Variants in RAB11FIP3 observed in about 807,000 individuals in gnomAD.
The protein encoded by RAB11FIP3 is rab11 family-interacting protein 3.
In RAB11FIP3, 17 loss-of-function variants were observed where a neutral mutation model predicts 77.8. The ratio of observed to expected loss-of-function variants is 0.22; its 90% CI spans 0.15 to 0.33. The LOEUF is 0.33. RAB11FIP3 is among the 10% of genes least tolerant of loss of function. RAB11FIP3 has a pLI of 1.00. For synonymous variants in RAB11FIP3, 437 were observed against 448.2 expected (o/e 0.98, Z 0.31); for missense variants, 1,005 against 1,011.2 (o/e 0.99, Z 0.08).
At chr16:500,664 G>A (rs1393902543) in intron 6 of RAB11FIP3, among the ~76,000 whole-genome samples, 1 of 133,502 alleles carries the variant, frequency 7.5e-6, no homozygotes, top group Non-Finnish European at 1.5e-5. Flanking sequence ...CTCCAGCCCA[G>A]GTGACAGTGC....
intron 1 of RAB11FIP3, among the ~76,000 whole-genome samples, chr16:449,674 G>A (rs972111333): frequency 6.7e-6 from 1 of 150,058 alleles, no homozygotes; most frequent in Non-Finnish European, 1.5e-5. Context: ...GTTTTAGGCC[G>A]GGTGCAGTGG....
At chr16:500,687 CAAAAAAAAAA>C (rs56771770) in intron 6 of RAB11FIP3, among the ~76,000 whole-genome samples, 4 of 22,306 alleles carry the variant, frequency 1.8e-4, no homozygotes, top group East Asian at 1.4e-3. Flanking sequence ...GACTCTGTCG[CAAAAAAAAAA>C]AAAAAAAAAA....
chr16:436,618 A>G (rs985349283), intron 1 of RAB11FIP3, among the ~76,000 whole-genome samples: 1 of 152,036 alleles, frequency 6.6e-6, no homozygotes, highest in Non-Finnish European at 1.5e-5. Context: ...AGTAGCTGGG[A>G]CTATAAATGC....
At chr16:443,821 C>T (rs2055266814) in intron 1 of RAB11FIP3, among the ~76,000 whole-genome samples, 1 of 152,206 alleles carries the variant, frequency 6.6e-6, no homozygotes, top group Admixed American at 6.5e-5. Context: ...GCCTTGGCCT[C>T]CCAAAGTGCT....
chr16:493,629 CAG>C (rs1433877384), intron 5 of RAB11FIP3, among the ~76,000 whole-genome samples: 1 of 152,102 alleles, frequency 6.6e-6, no homozygotes, highest in Non-Finnish European at 1.5e-5. Flanking sequence ...TTTTTTGAGA[CAG>C]AGTCTCGCTT....
At position 514,448 on chromosome 16, in the gene RAB11FIP3, G is replaced by A. The variant is rs998338841; in HGVS notation, c.1640+3648G>A. On this transcript the variant is annotated intron_variant, in intron 9 of 13. Coordinates refer to ENST00000262305, the MANE Select transcript of RAB11FIP3 (RefSeq NM_014700.4). This position sits in a 1 kb window ranked among gnomAD's most constrained non-coding sequence, Gnocchi z 4.6. ...AACCTCCTGGGAACAGCAGGGGCGG[G>A]TGGCTATGCAGTTGCAGTGCCTAGA... is the stretch of plus-strand genomic sequence containing the variant. 7.2e-5 allele frequency among the ~76,000 whole-genome samples: 11 copies of A among 152,260 alleles called. No individual in the cohort carries two copies. The highest frequency in any genetic ancestry group is 9.6e-5 in the African/African-American group (4 of 41,478).
At chr16:511,036 G>A (rs556450638) in intron 9 of RAB11FIP3, among the ~76,000 whole-genome samples, 25 of 145,660 alleles carry the variant, frequency 1.7e-4, no homozygotes, top group Admixed American at 1.4e-3. Flanking sequence ...AGAACCTGCC[G>A]GCCAGGTAGG....
At chr16:504,770 A>C (rs1434777697) in intron 7 of RAB11FIP3, among the ~76,000 whole-genome samples, 1 of 1,334 alleles carries the variant, frequency 7.5e-4, no homozygotes. Flanking sequence ...CACCCTCCTC[A>C]CCTCCTCCTG....
intron 2 of RAB11FIP3, among the ~76,000 whole-genome samples, chr16:463,428 C>T (rs2055649196): frequency 7.1e-6 from 1 of 140,790 alleles, no homozygotes; most frequent in African/African-American, 2.7e-5. Flanking sequence ...TGTTGTTCCC[C>T]GGTTTTTTTT....
intron 9 of RAB11FIP3, among the ~76,000 whole-genome samples, chr16:512,700 C>T (rs901246986): frequency 6.6e-6 from 1 of 151,856 alleles, no homozygotes; most frequent in Non-Finnish European, 1.5e-5. Context: ...CACACCACTG[C>T]ACCCAGCTAT....
At chr16:456,117 AG>A (rs2055498872) in intron 1 of RAB11FIP3, among the ~76,000 whole-genome samples, 1 of 151,624 alleles carries the variant, frequency 6.6e-6, no homozygotes, top group Non-Finnish European at 1.5e-5. Flanking sequence ...GGATCACCTG[AG>A]GTCAGGAGTT....
intron 2 of RAB11FIP3, among the ~76,000 whole-genome samples, chr16:470,496 A>G (rs185770125): frequency 2.0e-5 from 3 of 152,354 alleles, no homozygotes; most frequent in Admixed American, 2.0e-4. Flanking sequence ...GTATTAAGTA[A>G]TGCTATTTTA....
At chr16:432,858 C>A (rs1188614459) in intron 1 of RAB11FIP3, among the ~76,000 whole-genome samples, 1 of 151,412 alleles carries the variant, frequency 6.6e-6, no homozygotes, top group African/African-American at 2.4e-5. Context: ...CCCGCCTTGG[C>A]CTCCCAAAGT....
chr16:453,594 T>TG (rs2055446306), intron 1 of RAB11FIP3: 2 of 122,012 alleles, frequency 1.6e-5, no homozygotes, highest in Admixed American at 8.1e-5. Context: ...TGGTTTTTTT[T>TG]TTTTTTTTTT....
chr16:450,009 A>C (rs2055380703), intron 1 of RAB11FIP3, among the ~76,000 whole-genome samples: 1 of 152,116 alleles, frequency 6.6e-6, no homozygotes, highest in Non-Finnish European at 1.5e-5. Context: ...GTGCCACCAC[A>C]TGCACAGGCC....
intron 5 of RAB11FIP3, among the ~76,000 whole-genome samples, chr16:492,370 A>ACCCGAGGCCGCCCAGAGCCCTCCCGGGG (rs2030411501): frequency 7.6e-6 from 1 of 131,802 alleles, no homozygotes; most frequent in Non-Finnish European, 1.7e-5. Flanking sequence ...TCTTCCCGGG[A>ACCCGAGGCCGCCCAGAGCCCTCCCGGGG]GACCCGAGGC....
chr16:444,833 A>G (rs1316217007), intron 1 of RAB11FIP3, among the ~76,000 whole-genome samples: 3 of 143,474 alleles, frequency 2.1e-5, no homozygotes, highest in Admixed American at 1.4e-4. Context: ...AAAAGACTGG[A>G]GCCTGGTGCG....
chr16:506,144 G>A lies in RAB11FIP3; in HGVS notation c.1499+517G>A, dbSNP rs1302539752. Among the ~76,000 whole-genome samples the A allele has an allele frequency of 1.3e-5, 2 of 152,170 alleles. No individual in the cohort carries two copies. The highest frequency in any genetic ancestry group is 2.9e-5 in the Non-Finnish European group (2 of 68,020). ...TGCTGGGGAGGAAGCGAAGTGTGAC[G>A]CCGTGTTTGCAGAGAAAGAGTGGGA... On this transcript the variant is annotated intron_variant, in intron 8 of 13. Coordinates refer to ENST00000262305, the MANE Select transcript of RAB11FIP3 (RefSeq NM_014700.4). The surrounding 1 kb of genome is among the most constrained non-coding windows in gnomAD (Gnocchi z 4.5).
chr16:464,505 C>T (rs1191829382), intron 2 of RAB11FIP3, among the ~76,000 whole-genome samples: 1 of 152,188 alleles, frequency 6.6e-6, no homozygotes, highest in Non-Finnish European at 1.5e-5. Flanking sequence ...GACATGGCAG[C>T]TGTGCCCATG....
Sources: allele counts gnomAD v4.1 joint callset (sites outside exome capture counted in the v4.1 genomes callset), GRCh38; gene constraint gnomAD v4.1.1; non-coding constraint Gnocchi (gnomAD v3.1); transcripts MANE v1.5; gene names NCBI Gene and HGNC (gene_info 2026-07-23, HGNC 2026-07-21).